The following FBXW5 variants were observed in gnomAD, a reference collection of about 807,000 sequenced individuals.
FBXW5 encodes the protein F-box/WD repeat-containing protein 5.
Under a neutral mutation model 50.9 loss-of-function variants are expected in FBXW5, and 74 were observed. The observed-to-expected ratio is 1.45, with a 90% CI of 1.20 to 1.76. FBXW5 has a LOEUF of 1.76. Ranked by LOEUF, FBXW5 falls within the 40% of genes most tolerant of loss-of-function variation. The pLI, the probability that FBXW5 is intolerant of heterozygous loss-of-function variation, is 0.00. For synonymous variants in FBXW5, 523 were observed against 362.2 expected (o/e 1.44, Z -5.04); for missense variants, 1,073 against 818.8 (o/e 1.31, Z -3.79).
At position 136,942,938 on chromosome 9, in the gene FBXW5, C is replaced by T. The variant is rs1309159997; in HGVS notation, c.357G>A (p.Trp119Ter). The change falls in exon 4 of 9, where the codon TGG (tryptophan) becomes TGA (stop). Residue 119 changes from tryptophan to a stop codon, truncating the protein, a stop_gained. Coordinates refer to ENST00000325285, the MANE Select transcript of FBXW5 (RefSeq NM_018998.4). LOFTEE classifies it high-confidence loss of function. ...SCSKDCTVKIWSNDLTISLLH... is the reference protein window; with the variant it reads ...SCSKDCTVKI ...GCAGCGAGATGGTCAGGTCGTTGCT[C>T]CAGATCTGTTCGGCAGGGGCGGCTG... is the stretch of plus-strand genomic sequence containing the variant. 1.2e-6 allele frequency: 2 copies of T among 1,613,012 alleles called. No homozygotes were observed. The highest frequency in any genetic ancestry group is 1.1e-5 in the South Asian group (1 of 91,062).
At position 136,940,581 on chromosome 9, in the gene FBXW5, C is replaced by T. The variant is rs115270904; in HGVS notation, c.*347G>A. The T allele has an allele frequency of 1.4e-3, 439 of 303,898 alleles. 4 individuals are homozygous for T. The highest frequency in any genetic ancestry group is 8.5e-3 in the African/African-American group (402 of 47,204). The allele number at this position is 303,898 out of a possible 1,614,324, so 18.8% of individuals were successfully genotyped here. On this transcript the variant is annotated 3_prime_UTR_variant, in exon 9 of 9. Coordinates refer to ENST00000325285, the MANE Select transcript of FBXW5 (RefSeq NM_018998.4). ...GCAGCCCCTGCCACCACTGGGCCAC[C>T]GTCCAGGGCCCCACAGGACCAGCCG...
chr9:136,941,503 G>A, intron 7 of FBXW5, 34 bp downstream of exon 7: 1 of 1,605,530 alleles, frequency 6.2e-7, no homozygotes, highest in Non-Finnish European at 8.5e-7. Flanking sequence ...GCCGCCTGCG[G>A]GCACCCCGCC....
At chr9:136,943,813 C>T in intron 2 of FBXW5, 78 bp downstream of exon 2, 2 of 1,463,692 alleles carry the variant, frequency 1.4e-6, no homozygotes, top group Admixed American at 2.1e-5. Flanking sequence ...GGCGGGCCCC[C>T]AGCCAGGCTG....
In FBXW5 at chr9:136,942,009, T is replaced by C. The variant is rs1194305113; in HGVS notation, c.1096+37A>G. On this transcript the variant is annotated intron_variant, in intron 6 of 8. Transcript: ENST00000325285. ...CCCTGCCCGGCCTCCCCCAAGCTCC[T>C]AGGACCGAGGCGGGCAGCATGGCGG... 1.9e-6 allele frequency: 3 copies of C among 1,569,306 alleles called. No individual in the cohort carries two copies. In the South Asian group the frequency reaches 3.5e-5, roughly 19 times the overall value.
Position 136,941,473 on chromosome 9 carries a change from G to C in FBXW5, c.1245-10C>G, listed in dbSNP as rs1378006645. 2 of 1,606,318 alleles carry C rather than the reference G, an allele frequency of 1.2e-6. No homozygotes were observed. The highest frequency in any genetic ancestry group is 1.7e-6 in the Non-Finnish European group (2 of 1,179,710). On this transcript the variant is annotated splice_polypyrimidine_tract_variant and intron_variant, in intron 7 of 8. Transcript: ENST00000325285. ...GTTCACGTACAGGTACCTGGGCGAG[G>C]GGCACTGTGCTAGGTGTGGGCCGCC...
rs1436279065 is a variant in FBXW5, at chr9:136,943,105, T to C, written c.352-162A>G. 5.8e-6 allele frequency: 7 copies of C among 1,205,902 alleles called. No individual in the cohort carries two copies. In the African/African-American group the frequency reaches 7.4e-5, roughly 13 times the overall value. The allele number at this position is 1,205,902 out of a possible 1,614,324, so 74.7% of individuals were successfully genotyped here. A position where few individuals can be genotyped will look rare whatever the true frequency, so the allele number is the denominator to read the frequency against. ...GTCATCCACTCGGGGGGCATTGGTA[T>C]AGAGCGGAGGAGCCTGCCCCTGAAG... On this transcript the variant is annotated intron_variant, in intron 3 of 8. Transcript: ENST00000325285.
rs1213076479 is a variant in FBXW5, at chr9:136,940,693, C to G, written c.*235G>C. The G allele has an allele frequency of 3.3e-6, 2 of 605,558 alleles. No individual in the cohort carries two copies. Among genetic ancestry groups the G allele is most frequent in the Non-Finnish European group, 5.7e-6 (2 of 353,448 alleles). 37.5% of individuals were successfully genotyped at this position (605,558 alleles called of 1,614,324 possible). The stretch of plus-strand genomic sequence containing the variant: ...AGCGGCACCCCCAGTATCCTGTGTA[C>G]CCCAAGTTGCCCAGGAGGCCGAGGG... On this transcript the variant is annotated 3_prime_UTR_variant, in exon 9 of 9. Transcript: ENST00000325285.
At position 136,941,369 on chromosome 9, in the gene FBXW5, CCAG is replaced by C. The variant is rs1484318620; in HGVS notation, c.1336_1338del (p.Leu446del). On this transcript the variant is annotated inframe_deletion, in exon 8 of 9. Transcript: ENST00000325285. ...TCCCGCATGGTCTTGAGGTCGAACA[CCAG>C]CAGGTCAATCTCCTCCGCGATTGGT... The C allele has an allele frequency of 6.2e-7, 1 of 1,611,772 alleles. No individual in the cohort carries two copies. Among genetic ancestry groups the C allele is most frequent in the Non-Finnish European group, 8.5e-7 (1 of 1,179,908 alleles).
In FBXW5 at chr9:136,942,586, G is replaced by T. The variant is rs1850827119; in HGVS notation, c.636C>A (p.Ile212=). The T allele has an allele frequency of 6.2e-7, 1 of 1,611,632 alleles. No homozygotes were observed. Among genetic ancestry groups the T allele is most frequent in the Non-Finnish European group, 8.5e-7 (1 of 1,179,480 alleles). Residue 212 remains isoleucine, a synonymous_variant, in exon 5 of 9, where the codon ATC becomes ATA. Coordinates refer to ENST00000325285, the MANE Select transcript of FBXW5 (RefSeq NM_018998.4). ...TGAGCCACAGCACCGAGCAGGAGGT[G>T]ATATCTCCGATGCGGTGCAGGTTCC... ...ISGNLHRIGD[I]TSCSVLWLNN... is the part of the protein sequence containing the mutation.
rs928822281 is a variant in FBXW5, at chr9:136,942,836, C to G, written c.459G>C (p.Leu153=). The change falls in exon 4 of 9, where the codon CTG becomes CTC. Residue 153 remains leucine, a synonymous_variant. Coordinates refer to ENST00000325285, the MANE Select transcript of FBXW5 (RefSeq NM_018998.4). Reference sequence around the variant, plus strand: ...GCCCCAGGAACACCCCCGAGGCCAGCAGTAGCGAGTCGTCCTTGTTGAACT... The same window carrying G: ...GCCCCAGGAACACCCCCGAGGCCAGGAGTAGCGAGTCGTCCTTGTTGAACT... ...FSQFNKDDSL[L]LASGVFLGPH... The G allele has an allele frequency of 1.2e-6, 2 of 1,613,464 alleles. No homozygotes were observed. The highest frequency in any genetic ancestry group is 2.7e-5 in the African/African-American group (2 of 75,038).
rs1279815181 is a variant in FBXW5 at position 136,940,915 on chromosome 9, C to T, written c.*13G>A. On this transcript the variant is annotated 3_prime_UTR_variant, in exon 9 of 9. Transcript: ENST00000325285. ...TCAAGGGGTCCCGGTGGCTCCAGTG[C>T]ACCCAGCACACCTCAGCGCCTCTGG... 2 of 1,575,496 alleles carry T rather than the reference C, an allele frequency of 1.3e-6. No individual in the cohort carries two copies. Among genetic ancestry groups the T allele is most frequent in the East Asian group, 2.3e-5 (1 of 43,268 alleles).
At chr9:136,943,243 G>GGGGCC in intron 3 of FBXW5, 106 bp downstream of exon 3, 2 of 1,176,296 alleles carry the variant, frequency 1.7e-6, no homozygotes, top group Non-Finnish European at 2.4e-6. Flanking sequence ...CCTCTGGCCT[G>GGGGCC]ACCCACCCCC....
chr9:136,943,825 C>A lies in FBXW5; in HGVS notation c.193+66G>T, dbSNP rs897998124. 4.0e-6 allele frequency: 6 copies of A among 1,500,776 alleles called. 1 individual carries two copies. In the South Asian group the frequency reaches 5.0e-5, roughly 12 times the overall value. 93.0% of individuals were successfully genotyped at this position (1,500,776 alleles called of 1,614,324 possible). A position where few individuals can be genotyped will look rare whatever the true frequency, so the allele number is the denominator to read the frequency against. On this transcript the variant is annotated intron_variant, in intron 2 of 8. Transcript: ENST00000325285. ...CGGGGCGGGCCCCCAGCCAGGCTGA[C>A]CCCCAAGCGCAGGGGCCCGGGGCCC...
rs750095116 is a variant in FBXW5 at position 136,941,688 on chromosome 9, C to T, written c.1097-4G>A. Reference sequence around the variant, plus strand: ...TGTGGCAGGATCTGCTTGATGCCTGCAGGGAGGGCTACGGTGAGGGTCCCT... The same window carrying T: ...TGTGGCAGGATCTGCTTGATGCCTGTAGGGAGGGCTACGGTGAGGGTCCCT... On this transcript the variant is annotated splice_region_variant and splice_polypyrimidine_tract_variant and intron_variant, in intron 6 of 8. Coordinates refer to ENST00000325285, the MANE Select transcript of FBXW5 (RefSeq NM_018998.4). 1.2e-5 allele frequency: 18 copies of T among 1,553,520 alleles called. No homozygotes were observed. The highest frequency in any genetic ancestry group is 1.5e-5 in the Non-Finnish European group (17 of 1,149,814).
Position 136,940,731 on chromosome 9 carries a change from C to T in FBXW5, c.*197G>A, listed in dbSNP as rs866445033. 3.7e-5 allele frequency: 33 copies of T among 886,274 alleles called. No individual in the cohort carries two copies. The highest frequency in any genetic ancestry group is 3.5e-4 in the Middle Eastern group (1 of 2,846). 54.9% of individuals were successfully genotyped at this position (886,274 alleles called of 1,614,324 possible). Reference sequence around the variant, plus strand: ...AGGAGGCCGAGGGGGCCTTGGGCTCCATCTGCACTGGCCACCCCGTGCCAA... The same window carrying T: ...AGGAGGCCGAGGGGGCCTTGGGCTCTATCTGCACTGGCCACCCCGTGCCAA... On this transcript the variant is annotated 3_prime_UTR_variant, in exon 9 of 9. Transcript: ENST00000325285.
chr9:136,941,291 A>C lies in FBXW5; in HGVS notation c.1417T>G (p.Phe473Val). Residue 473 changes from phenylalanine (F) to valine (V), a missense_variant, in exon 8 of 9, where the codon TTC becomes GTC. Coordinates refer to ENST00000325285, the MANE Select transcript of FBXW5 (RefSeq NM_018998.4). The part of the protein sequence containing the change: ...HRAYTPNDEC[F>V]FIFLDVSRDF... ...CTGCTGACGTCCAGGAAGATGAAGA[A>C]GCACTCGTCGTTGGGCGTGTAGGCG... is the stretch of plus-strand genomic sequence containing the variant. 1 of 1,608,574 alleles carries C rather than the reference A, an allele frequency of 6.2e-7. No homozygotes were observed. The highest frequency in any genetic ancestry group is 8.5e-7 in the Non-Finnish European group (1 of 1,179,790).
In FBXW5 at chr9:136,942,962, T is replaced by C; in HGVS notation, c.352-19A>G. 6.2e-7 allele frequency: 1 copy of C among 1,612,200 alleles called. No individual in the cohort carries two copies. The highest frequency in any genetic ancestry group is 8.5e-7 in the Non-Finnish European group (1 of 1,179,806). Reference sequence around the variant, plus strand: ...TCCAGATCTGTTCGGCAGGGGCGGCTGTAGTGATCGCCTGGCCAGGTCGCG... The same window carrying C: ...TCCAGATCTGTTCGGCAGGGGCGGCCGTAGTGATCGCCTGGCCAGGTCGCG... On this transcript the variant is annotated intron_variant, in intron 3 of 8. Transcript: ENST00000325285.
Position 136,942,052 on chromosome 9 carries a change from G to T in FBXW5, c.1090C>A (p.Gln364Lys). ...CATGGCGGCAGGGGTGTACCGATCT[G>T]GTGTGGGGAGTAGGTGAGGCAGCCA... The part of the protein sequence containing the change: ...TTGCLTYSPH[Q>K]IGIKQILPHQ... The change falls in exon 6 of 9, where the codon CAG becomes AAG. Residue 364 changes from glutamine to lysine, a missense_variant. Gln to Lys is a moderately conservative substitution (Grantham distance 53). Coordinates refer to ENST00000325285, the MANE Select transcript of FBXW5 (RefSeq NM_018998.4). 6.2e-7 allele frequency: 1 copy of T among 1,608,582 alleles called. No individual in the cohort carries two copies.
chr9:136,942,685 CG>C lies in FBXW5; in HGVS notation c.536del (p.Ala179GlyfsTer57). 1 of 1,610,564 alleles carries C rather than the reference CG, an allele frequency of 6.2e-7. No homozygotes were observed. The highest frequency in any genetic ancestry group is 8.5e-7 in the Non-Finnish European group (1 of 1,178,996). ...EIAVISLDSF[A>X]LLSRVRNKPY... ...GCTTGTTCCGCACGCGGGACAGCAG[CG>C]CGAAGGAGTCTGTGGGGAGGCCGGG... is the stretch of plus-strand genomic sequence containing the variant. On this transcript the variant is annotated frameshift_variant, in exon 5 of 9. Transcript: ENST00000325285. LOFTEE classifies it high-confidence loss of function.
Sources: allele counts gnomAD v4.1 joint callset, GRCh38; gene constraint gnomAD v4.1.1; transcripts MANE v1.5; gene names NCBI Gene and HGNC (gene_info 2026-07-23, HGNC 2026-07-21).